The following TPMT variants were observed in gnomAD, a reference collection of about 807,000 sequenced individuals.
The protein encoded by TPMT is S-adenosyl-L-methionine:thiopurine S-methyltransferase.
TPMT carries 18 observed loss-of-function variants against 34.2 expected under a neutral mutation model. That is an observed-to-expected ratio of 0.53 (90% CI 0.36 to 0.78). The LOEUF is 0.78. TPMT is among the 30% of genes least tolerant of loss of function. The pLI, the probability that TPMT is intolerant of heterozygous loss-of-function variation, is 0.00. For synonymous variants in TPMT, 69 were observed against 92.4 expected (o/e 0.75, Z 1.45); for missense variants, 265 against 288.1 (o/e 0.92, Z 0.58).
Position 18,130,758 on chromosome 6 carries a change from A to T in TPMT, c.648T>A (p.Cys216Ter), listed in dbSNP as rs398122996. The T allele has an allele frequency of 6.8e-5, 110 of 1,613,490 alleles. No individual in the cohort carries two copies. Among genetic ancestry groups the T allele is most frequent in the Admixed American group, 1.3e-4 (8 of 59,996 alleles). Residue 216 changes from cysteine to a stop codon, truncating the protein, a stop_gained, in exon 9 of 9, where the codon TGT becomes TGA. Transcript: ENST00000309983. LOFTEE classifies it high-confidence loss of function. The surrounding 1 kb of genome is among the most constrained non-coding windows in gnomAD (Gnocchi z 4.2). ...CTTCAAAAGCATCAACCTTCTCAAG[A>T]CAACGTATATTGCATATTTTACCTG... Reference protein sequence around the residue: ...RLFGKICNIRCLEKVDAFEER... With the variant: ...RLFGKICNIR
At position 18,145,354 on chromosome 6, in the gene TPMT, C is replaced by T. The variant is rs755679762; in HGVS notation, c.234-1626G>A. On this transcript the variant is annotated intron_variant, in intron 3 of 8. Transcript: ENST00000309983. The surrounding 1 kb of genome is among the most constrained non-coding windows in gnomAD (Gnocchi z 5.6). Reference sequence around the variant, plus strand: ...ACTTTACGGTGAAAAAGACCTAATGCTCACTAAGGTAGCTGGGGGATGTTG... The same window carrying T: ...ACTTTACGGTGAAAAAGACCTAATGTTCACTAAGGTAGCTGGGGGATGTTG... 6.6e-6 allele frequency among the ~76,000 whole-genome samples: 1 copy of T among 152,194 alleles called. No homozygotes were observed. The highest frequency in any genetic ancestry group is 1.5e-5 in the Non-Finnish European group (1 of 68,042).
rs1190098698 is a variant in TPMT, at chr6:18,150,698, T to C, written c.-44-1527A>G. On this transcript the variant is annotated intron_variant, in intron 1 of 8. Coordinates refer to ENST00000309983, the MANE Select transcript of TPMT (RefSeq NM_000367.5). The surrounding 1 kb of genome is among the most constrained non-coding windows in gnomAD (Gnocchi z 5.3). Reference sequence around the variant, plus strand: ...AAAAAGAATGTTTTTCCATTTTGCATGTATAAAACACGGTTAGACTATTCC... The same window carrying C: ...AAAAAGAATGTTTTTCCATTTTGCACGTATAAAACACGGTTAGACTATTCC... 6.6e-6 allele frequency among the ~76,000 whole-genome samples: 1 copy of C among 152,208 alleles called. No homozygotes were observed. Among genetic ancestry groups the C allele is most frequent in the Non-Finnish European group, 1.5e-5 (1 of 68,036 alleles).
chr6:18,145,180 A>G lies in TPMT; in HGVS notation c.234-1452T>C, dbSNP rs9297056. On this transcript the variant is annotated intron_variant, in intron 3 of 8. Transcript: ENST00000309983. This position sits in a 1 kb window ranked among gnomAD's most constrained non-coding sequence, Gnocchi z 5.6. ...ATCACTGCACTATGCTAAATCACGCACTAAAAATCCCCAGGCTGGTGGGGA... is the reference window on the plus strand; with the variant it reads ...ATCACTGCACTATGCTAAATCACGCGCTAAAAATCCCCAGGCTGGTGGGGA... Among the ~76,000 whole-genome samples, 51,151 of 152,140 alleles carry G rather than the reference A, an allele frequency of 0.34. 9,258 individuals are homozygous for G. The highest frequency in any genetic ancestry group is 0.52 in the East Asian group (2,705 of 5,180).
chr6:18,144,330 T>C (rs1582044704), intron 3 of TPMT, among the ~76,000 whole-genome samples: 1 of 152,232 alleles, frequency 6.6e-6, no homozygotes, highest in Non-Finnish European at 1.5e-5. Flanking sequence ...CAAAAATTTG[T>C]ATATTTTATC....
rs1170758328 is a variant in TPMT at position 18,154,605 on chromosome 6, T to TA, written c.-45+427dup. 3.3e-5 allele frequency among the ~76,000 whole-genome samples: 5 copies of TA among 151,356 alleles called. No homozygotes were observed. Among genetic ancestry groups the TA allele is most frequent in the East Asian group, 3.9e-4 (2 of 5,146 alleles). ...GGAAAAAACCGAGAGTCCGTTTCTA[T>TA]AAAAAAAAATTTGAAAAATTAGCCA... On this transcript the variant is annotated intron_variant, in intron 1 of 8. Coordinates refer to ENST00000309983, the MANE Select transcript of TPMT (RefSeq NM_000367.5). The surrounding 1 kb of genome is among the most constrained non-coding windows in gnomAD (Gnocchi z 4.2).
Position 18,132,290 on chromosome 6 carries a change from T to G in TPMT, c.581-113A>C, listed in dbSNP as rs1453747239. ...ATGATGTGGCATGTTCTTCTCATTCTTCTTTTGCAAATCTCATACTAAAGA... is the reference window on the plus strand; with the variant it reads ...ATGATGTGGCATGTTCTTCTCATTCGTCTTTTGCAAATCTCATACTAAAGA... On this transcript the variant is annotated intron_variant, in intron 7 of 8. Transcript: ENST00000309983. The surrounding 1 kb of genome is among the most constrained non-coding windows in gnomAD (Gnocchi z 4.8). 8 of 1,036,410 alleles carry G rather than the reference T, an allele frequency of 7.7e-6. No homozygotes were observed. Among genetic ancestry groups the G allele is most frequent in the Non-Finnish European group, 1.0e-5 (7 of 681,082 alleles). 64.2% of individuals were successfully genotyped at this position (1,036,410 alleles called of 1,614,324 possible).
chr6:18,132,307 T>C lies in TPMT; in HGVS notation c.581-130A>G. 1 of 861,862 alleles carries C rather than the reference T, an allele frequency of 1.2e-6. No homozygotes were observed. Among genetic ancestry groups the C allele is most frequent in the South Asian group, 1.5e-5 (1 of 68,182 alleles). 53.4% of individuals were successfully genotyped at this position (861,862 alleles called of 1,614,324 possible). ...TCTCATTCTTCTTTTGCAAATCTCATACTAAAGAAATAAATTGACTTACTG... is the reference window on the plus strand; with the variant it reads ...TCTCATTCTTCTTTTGCAAATCTCACACTAAAGAAATAAATTGACTTACTG... On this transcript the variant is annotated intron_variant, in intron 7 of 8. Transcript: ENST00000309983. This position sits in a 1 kb window ranked among gnomAD's most constrained non-coding sequence, Gnocchi z 4.8.
chr6:18,153,793 A>G lies in TPMT; in HGVS notation c.-45+1240T>C, dbSNP rs1784407001. Among the ~76,000 whole-genome samples the G allele has an allele frequency of 6.6e-6, 1 of 152,248 alleles. No individual in the cohort carries two copies. On this transcript the variant is annotated intron_variant, in intron 1 of 8. Coordinates refer to ENST00000309983, the MANE Select transcript of TPMT (RefSeq NM_000367.5). The surrounding 1 kb of genome is among the most constrained non-coding windows in gnomAD (Gnocchi z 4.2). ...TGGAACCTAAATTCAAGGCTTCATA[A>G]AGCAGTTCTCTACTTAAAAGAGAAG...
Position 18,132,083 on chromosome 6 carries a change from A to G in TPMT, c.625+50T>C, listed in dbSNP as rs1464999196. The G allele has an allele frequency of 6.9e-6, 11 of 1,602,744 alleles. No homozygotes were observed. The highest frequency in any genetic ancestry group is 9.4e-6 in the Non-Finnish European group (11 of 1,170,148). On this transcript the variant is annotated intron_variant, in intron 8 of 8. Transcript: ENST00000309983. This position sits in a 1 kb window ranked among gnomAD's most constrained non-coding sequence, Gnocchi z 4.8. ...TGAGCCAGCACGCCAGGCCCAAAAG[A>G]GTTAACTTGACTTTGTTTAAAAAGT...
chr6:18,132,218 A>T lies in TPMT; in HGVS notation c.581-41T>A. The T allele has an allele frequency of 6.3e-7, 1 of 1,583,230 alleles. No homozygotes were observed. The highest frequency in any genetic ancestry group is 8.7e-7 in the Non-Finnish European group (1 of 1,152,544). ...ATAAATTCTGAGTTTATTTCCAATG[A>T]CGTAGGTGTACTTGTTCTACATACA... On this transcript the variant is annotated intron_variant, in intron 7 of 8. Transcript: ENST00000309983. This position sits in a 1 kb window ranked among gnomAD's most constrained non-coding sequence, Gnocchi z 4.8.
rs1282096176 is a variant in TPMT at position 18,139,265 on chromosome 6, G to C, written c.420-228C>G. On this transcript the variant is annotated intron_variant, in intron 5 of 8. Coordinates refer to ENST00000309983, the MANE Select transcript of TPMT (RefSeq NM_000367.5). This position sits in a 1 kb window ranked among gnomAD's most constrained non-coding sequence, Gnocchi z 4.2. ...GCCTCCCCACTCTGTTATGATTTGG[G>C]GACATGAAGAAGGAACAAAGGACAG... Among the ~76,000 whole-genome samples, 1 of 152,138 alleles carries C rather than the reference G, an allele frequency of 6.6e-6. No homozygotes were observed. The highest frequency in any genetic ancestry group is 1.5e-5 in the Non-Finnish European group (1 of 68,030).
intron 3 of TPMT, among the ~76,000 whole-genome samples, chr6:18,144,406 A>C (rs927029138): frequency 4.6e-5 from 7 of 152,128 alleles, no homozygotes; most frequent in Admixed American, 2.6e-4. Flanking sequence ...ACGGAGTCTC[A>C]CTTTGTTGCC....
Position 18,138,988 on chromosome 6 carries a change from C to T in TPMT, c.469G>A (p.Ala157Thr). ...CATTTGCGATCACCTGGATTGATGG[C>T]AACTAATGCTCCTCTATCCCAAATC... ...DMIWDRGALV[A>T]INPGDRKCYA... The change falls in exon 6 of 9, where the codon GCC becomes ACC. Residue 157 changes from alanine (A) to threonine (T), a missense_variant. Physicochemically the swap from Ala to Thr is moderately conservative, Grantham distance 58 (BLOSUM62 0). Transcript: ENST00000309983. The surrounding 1 kb of genome is among the most constrained non-coding windows in gnomAD (Gnocchi z 4.1). 2 of 1,613,676 alleles carry T rather than the reference C, an allele frequency of 1.2e-6. No individual in the cohort carries two copies. The highest frequency in any genetic ancestry group is 2.2e-5 in the South Asian group (2 of 91,054).
rs1189681711 is a variant in TPMT, at chr6:18,143,733, A to G, written c.234-5T>C. ...CTGTGTCCCCGGTCTGCAAACCTGC[A>G]TAAAATCATACATTTACACTTAAAT... On this transcript the variant is annotated splice_region_variant and splice_polypyrimidine_tract_variant and intron_variant, in intron 3 of 8. Coordinates refer to ENST00000309983, the MANE Select transcript of TPMT (RefSeq NM_000367.5). The surrounding 1 kb of genome is among the most constrained non-coding windows in gnomAD (Gnocchi z 6.1). 2 of 1,614,076 alleles carry G rather than the reference A, an allele frequency of 1.2e-6. No individual in the cohort carries two copies. Among genetic ancestry groups the G allele is most frequent in the Non-Finnish European group, 1.7e-6 (2 of 1,180,006 alleles).
rs1468052959 is a variant in TPMT at position 18,133,879 on chromosome 6, T to C, written c.505A>G (p.Thr169Ala). 10 of 1,613,392 alleles carry C rather than the reference T, an allele frequency of 6.2e-6. No individual in the cohort carries two copies. The highest frequency in any genetic ancestry group is 7.6e-6 in the Non-Finnish European group (9 of 1,179,576). ...TTCTTTCCCAGGAGGGAAAACATTG[T>C]ATCTGCATAGCTACAAAGAACACAA... ...NPGDRKCYAD[T>A]MFSLLGKKFQ... is the part of the protein sequence containing the mutation. The change falls in exon 7 of 9, where the codon ACA becomes GCA. Residue 169 changes from threonine (T) to alanine (A), a missense_variant. Thr to Ala is a moderately conservative substitution (Grantham distance 58, BLOSUM62 0). Transcript: ENST00000309983.
At position 18,136,776 on chromosome 6, in the gene TPMT, C is replaced by G. The variant is rs1047141208; in HGVS notation, c.494+2187G>C. Among the ~76,000 whole-genome samples the G allele has an allele frequency of 6.6e-6, 1 of 152,146 alleles. No homozygotes were observed. Among genetic ancestry groups the G allele is most frequent in the Non-Finnish European group, 1.5e-5 (1 of 68,032 alleles). ...GGTGAGCCGAGATAGTGCCATTGCA[C>G]TCCAGCCTGGGCAACAAGAGCGAAA... On this transcript the variant is annotated intron_variant, in intron 6 of 8. Transcript: ENST00000309983. This position sits in a 1 kb window ranked among gnomAD's most constrained non-coding sequence, Gnocchi z 4.7.
chr6:18,130,233 T>C lies in TPMT; in HGVS notation c.*435A>G. The C allele has an allele frequency of 5.7e-6, 1 of 175,024 alleles. No homozygotes were observed. The highest frequency in any genetic ancestry group is 1.2e-5 in the Non-Finnish European group (1 of 83,306). The allele number at this position is 175,024 out of a possible 1,614,324, so 10.8% of individuals were successfully genotyped here. ...CTGGGAGGCAGAGGTTGCAGTGAGC[T>C]GAGATTGCACCATTGCACTCCAGGT... On this transcript the variant is annotated 3_prime_UTR_variant, in exon 9 of 9. Transcript: ENST00000309983. The surrounding 1 kb of genome is among the most constrained non-coding windows in gnomAD (Gnocchi z 4.2).
At position 18,151,917 on chromosome 6, in the gene TPMT, T is replaced by A. The variant is rs115586230; in HGVS notation, c.-44-2746A>T. On this transcript the variant is annotated intron_variant, in intron 1 of 8. Coordinates refer to ENST00000309983, the MANE Select transcript of TPMT (RefSeq NM_000367.5). ...CATCCAGTTTGCTGTATTCAATTAA[T>A]CCTCACGTTTCCTGTATACTCCCAT... 6.5e-3 allele frequency among the ~76,000 whole-genome samples: 984 copies of A among 152,330 alleles called. 10 individuals are homozygous for A. Among genetic ancestry groups the A allele is most frequent in the African/African-American group, 0.023 (947 of 41,578 alleles).
rs1406946177 is a variant in TPMT at position 18,143,259 on chromosome 6, G to C, written c.366+337C>G. Among the ~76,000 whole-genome samples, 2 of 152,118 alleles carry C rather than the reference G, an allele frequency of 1.3e-5. No homozygotes were observed. Among genetic ancestry groups the C allele is most frequent in the African/African-American group, 4.8e-5 (2 of 41,426 alleles). On this transcript the variant is annotated intron_variant, in intron 4 of 8. Coordinates refer to ENST00000309983, the MANE Select transcript of TPMT (RefSeq NM_000367.5). The surrounding 1 kb of genome is among the most constrained non-coding windows in gnomAD (Gnocchi z 6.1). The stretch of plus-strand genomic sequence containing the variant: ...GATTCTTTAGGGGTGGGAGTGAGGG[G>C]GGTGTGCTGTGTTATCTTTATCTCT...
Sources: allele counts gnomAD v4.1 joint callset (sites outside exome capture counted in the v4.1 genomes callset), GRCh38; gene constraint gnomAD v4.1.1; non-coding constraint Gnocchi (gnomAD v3.1); transcripts MANE v1.5; gene names NCBI Gene and HGNC (gene_info 2026-07-23, HGNC 2026-07-21).